The following EYS variants were observed in gnomAD, a reference collection of about 807,000 sequenced individuals.
EYS encodes EGF-like photoreceptor maintenance factor, also known as protein eyes shut homolog.
In EYS, 250 loss-of-function variants were observed where a neutral mutation model predicts 282.1. The ratio of observed to expected loss-of-function variants is 0.89; its 90% CI spans 0.80 to 0.98. The LOEUF is 0.98. Ranked by LOEUF, EYS falls within the 50% of genes least tolerant of loss-of-function variation. The pLI is 0.00. For missense variants in EYS, 4,016 were observed against 3,709.0 expected (o/e 1.08, Z -2.15); for synonymous variants, 1,355 against 1,282.9 (o/e 1.06, Z -1.20).
At chr6:65,066,288 G>A (rs1488039129) in intron 12 of EYS, among the ~76,000 whole-genome samples, 1 of 152,170 alleles carries the variant, frequency 6.6e-6, no homozygotes, top group Non-Finnish European at 1.5e-5. Context: ...AAAGCTGTGA[G>A]TCATGTAAAA....
At chr6:64,693,729 A>G (rs1020175826) in intron 22 of EYS, among the ~76,000 whole-genome samples, 1 of 152,158 alleles carries the variant, frequency 6.6e-6, no homozygotes, top group African/African-American at 2.4e-5. Context: ...TTAGGTCACA[A>G]ATAGCGTAGC....
At chr6:65,456,240 C>A (rs1405893086) in intron 5 of EYS, among the ~76,000 whole-genome samples, 1 of 152,014 alleles carries the variant, frequency 6.6e-6, no homozygotes, top group Non-Finnish European at 1.5e-5. Context: ...ATCACGAGGT[C>A]AGGAGAGCGA....
intron 35 of EYS, among the ~76,000 whole-genome samples, chr6:63,879,540 C>A (rs1773072498): frequency 6.6e-6 from 1 of 152,046 alleles, no homozygotes; most frequent in Admixed American, 6.6e-5. Flanking sequence ...TAGAAAGATC[C>A]CCATGTGTAT....
chr6:64,107,287 A>ATATATATATATATATATT (rs1773056556), intron 31 of EYS, among the ~76,000 whole-genome samples: 4 of 59,626 alleles, frequency 6.7e-5, no homozygotes, highest in African/African-American at 3.3e-4. Context: ...ATATATATTT[A>ATATATATATATATATATT]TATATATATA....
At chr6:65,176,848 AT>A (rs1286042002) in intron 12 of EYS, among the ~76,000 whole-genome samples, 1 of 151,872 alleles carries the variant, frequency 6.6e-6, no homozygotes, top group African/African-American at 2.4e-5. Flanking sequence ...AGTAAAATAC[AT>A]GCTAATTATA....
chr6:65,550,149 T>TCATGGCATCTCACACTTG (rs1768559023), intron 2 of EYS, among the ~76,000 whole-genome samples: 286 of 14,312 alleles, frequency 0.02, 14 homozygotes, highest in Middle Eastern at 0.083. Context: ...ATATCTTTTT[T>TCATGGCATCTCACACTTG]TTTTTTTTTT....
rs56290982 is a variant in EYS at position 63,798,987 on chromosome 6, GTATATA to G, written c.7411+7197_7411+7202del. Reference sequence around the variant, plus strand: ...TGTATATATATATATGTATATGTGTGTATATATATATATATATATATATATATATAT... The same window carrying G: ...TGTATATATATATATGTATATGTGTGTATATATATATATATATATATATAT... On this transcript the variant is annotated intron_variant, in intron 37 of 42. Transcript: ENST00000503581. 9.2e-3 allele frequency among the ~76,000 whole-genome samples: 793 copies of G among 85,752 alleles called. 3 individuals carry two copies. Among genetic ancestry groups the G allele is most frequent in the Middle Eastern group, 0.017 (2 of 116 alleles). The allele number at this position is 85,752 out of a possible 152,430, so 56.3% of individuals were successfully genotyped here.
At chr6:65,513,248 T>G (rs1247703717) in intron 2 of EYS, among the ~76,000 whole-genome samples, 1 of 152,096 alleles carries the variant, frequency 6.6e-6, no homozygotes, top group Admixed American at 6.5e-5. Context: ...AGGAAGAAGT[T>G]GAATCTCTGA....
chr6:65,238,341 C>A (rs138473568), intron 12 of EYS, among the ~76,000 whole-genome samples: 18 of 151,420 alleles, frequency 1.2e-4, no homozygotes, highest in Admixed American at 6.6e-4. Flanking sequence ...TATCCATTTT[C>A]AATTAATATT....
At chr6:64,824,583 T>A (rs1321231481) in intron 19 of EYS, among the ~76,000 whole-genome samples, 1 of 151,872 alleles carries the variant, frequency 6.6e-6, no homozygotes, top group Non-Finnish European at 1.5e-5. Flanking sequence ...AGTCTCCGTA[T>A]CACTATGTAG....
intron 12 of EYS, among the ~76,000 whole-genome samples, chr6:65,110,545 G>A (rs1775185667): frequency 6.6e-6 from 1 of 151,990 alleles, no homozygotes; most frequent in South Asian, 2.1e-4. Context: ...AACATCTGTG[G>A]CATAGAGCTT....
At chr6:63,884,544 A>G (rs1773216461) in intron 35 of EYS, among the ~76,000 whole-genome samples, 1 of 152,106 alleles carries the variant, frequency 6.6e-6, no homozygotes, top group Non-Finnish European at 1.5e-5. Context: ...TGTGTGCTTT[A>G]CTGTATGTAT....
intron 5 of EYS, among the ~76,000 whole-genome samples, chr6:65,407,150 T>C (rs1463504029): frequency 5.3e-5 from 8 of 152,348 alleles, no homozygotes; most frequent in Admixed American, 3.9e-4. Flanking sequence ...CATTGTTGCA[T>C]AGCTTTATGT....
chr6:64,884,670 A>G (rs770736097), intron 19 of EYS, among the ~76,000 whole-genome samples: 1 of 151,660 alleles, frequency 6.6e-6, no homozygotes, highest in Non-Finnish European at 1.5e-5. Context: ...GAGAAGGTCA[A>G]TTTGAATGTC....
chr6:64,065,458 T>C (rs1380944307), intron 33 of EYS, among the ~76,000 whole-genome samples: 1 of 152,336 alleles, frequency 6.6e-6, no homozygotes, highest in African/African-American at 2.4e-5. Context: ...GTAATGCCCC[T>C]GAGATGTGAT....
chr6:65,467,185 T>C (rs10944808), intron 5 of EYS, among the ~76,000 whole-genome samples: 60,019 of 151,894 alleles, frequency 0.4, 12,063 homozygotes, highest in Middle Eastern at 0.49. Context: ...CAGATATCAG[T>C]CTGTAGTGAA....
chr6:64,895,237 T>C (rs939907237), intron 18 of EYS, among the ~76,000 whole-genome samples: 3 of 152,196 alleles, frequency 2.0e-5, no homozygotes, highest in African/African-American at 4.8e-5. Flanking sequence ...ATTCTAAAGG[T>C]TGGATCTCTA....
intron 29 of EYS, among the ~76,000 whole-genome samples, chr6:64,374,377 C>T (rs1282520920): frequency 6.6e-6 from 1 of 151,520 alleles, no homozygotes; most frequent in Non-Finnish European, 1.5e-5. Context: ...GCATAACATC[C>T]AAGTGGTTCT....
chr6:64,930,416 C>A (rs1768675846), intron 15 of EYS, among the ~76,000 whole-genome samples: 2 of 140,164 alleles, frequency 1.4e-5, no homozygotes, highest in African/African-American at 2.6e-5. Flanking sequence ...TTTGTCATGG[C>A]TTTGCTTTTA....
Sources: gnomAD v4.1 joint callset for allele counts (sites outside exome capture counted in the v4.1 genomes callset) on GRCh38, gnomAD v4.1.1 for gene constraint, MANE v1.5 for transcripts, NCBI Gene and HGNC (gene_info 2026-07-23, HGNC 2026-07-21) for gene names.